Variants in ZC3H12B observed in about 807,000 individuals in gnomAD.
ZC3H12B encodes zinc finger CCCH-type containing 12B.
ZC3H12B carries 7 observed loss-of-function variants against 43.9 expected under a neutral mutation model. The observed-to-expected ratio is 0.16, with a 90% CI of 0.09 to 0.30. ZC3H12B has a LOEUF of 0.30. ZC3H12B is among the 10% of genes least tolerant of loss of function. ZC3H12B has a pLI of 1.00. For synonymous variants in ZC3H12B, 222 were observed against 241.7 expected (o/e 0.92, Z 0.76); for missense variants, 475 against 670.2 (o/e 0.71, Z 3.22).
chrX:65,158,978 C>G, the ZC3H12B span, among the ~76,000 whole-genome samples: 68 of 111,590 alleles, frequency 6.1e-4, no homozygotes, highest in South Asian at 0.013. Context: ...TCCAGTTTCA[C>G]CTTTCTACAT....
chrX:65,386,212 G>A (rs1275559867), intron 2 of ZC3H12B, among the ~76,000 whole-genome samples: 2 of 111,607 alleles, frequency 1.8e-5, no homozygotes, highest in Non-Finnish European at 3.8e-5. Flanking sequence ...AATAGTTTCA[G>A]AAGGAATGGT....
At chrX:65,486,140 G>A (rs748702030), upstream of ZC3H12B, among the ~76,000 whole-genome samples, 65 of 112,409 alleles carry the variant, frequency 5.8e-4, no homozygotes, top group African/African-American at 2.1e-3. Flanking sequence ...GTATGTCAAT[G>A]AAAATTTGCA....
the ZC3H12B span, among the ~76,000 whole-genome samples, chrX:65,123,445 A>G: frequency 1.8e-5 from 2 of 111,186 alleles, no homozygotes; most frequent in Admixed American, 1.9e-4. Context: ...TGGCCTCATA[A>G]AATGAGTTAA....
the ZC3H12B span, among the ~76,000 whole-genome samples, chrX:65,163,523 A>T: frequency 9.0e-6 from 1 of 110,980 alleles, no homozygotes; most frequent in Non-Finnish European, 1.9e-5. Context: ...TTGATCTCAT[A>T]CTGCTGTGCT....
the ZC3H12B span, among the ~76,000 whole-genome samples, chrX:65,178,851 G>T: frequency 8.9e-6 from 1 of 112,214 alleles, no homozygotes. Flanking sequence ...AAGAGAGTGT[G>T]CAATTCCTCA....
chrX:65,349,851 G>C, the ZC3H12B span, among the ~76,000 whole-genome samples: 1 of 111,642 alleles, frequency 9.0e-6, no homozygotes, highest in African/African-American at 3.3e-5. Flanking sequence ...TAAAATTGAG[G>C]CATTAATTCA....
the ZC3H12B span, among the ~76,000 whole-genome samples, chrX:65,334,284 A>C: frequency 1.8e-5 from 2 of 112,173 alleles, no homozygotes. Flanking sequence ...TTTAGCTAAT[A>C]TGTTCACATG....
At chrX:65,465,049 T>A (rs945572853) in intron 3 of ZC3H12B, among the ~76,000 whole-genome samples, 5 of 111,625 alleles carry the variant, frequency 4.5e-5, no homozygotes, top group African/African-American at 1.6e-4. Context: ...TATTACCATA[T>A]GTATTTGAGG....
At chrX:65,378,045 G>C (rs2066372636) in intron 2 of ZC3H12B, among the ~76,000 whole-genome samples, 1 of 110,694 alleles carries the variant, frequency 9.0e-6, no homozygotes, top group Admixed American at 9.6e-5. Flanking sequence ...CTTGCAGTGA[G>C]TGGAGATTGT....
chrX:65,336,801 T>C, the ZC3H12B span, among the ~76,000 whole-genome samples: 1 of 112,328 alleles, frequency 8.9e-6, no homozygotes, highest in Non-Finnish European at 1.9e-5. Flanking sequence ...ACCAGTTCCA[T>C]TAGCTCTCAA....
At chrX:65,256,968 G>C in the ZC3H12B span, among the ~76,000 whole-genome samples, 1 of 112,229 alleles carries the variant, frequency 8.9e-6, no homozygotes, top group African/African-American at 3.2e-5. Flanking sequence ...TGCTGGAGAG[G>C]ATGTGGAGAA....
At chrX:65,384,540 GAA>G (rs774829243) in intron 2 of ZC3H12B, among the ~76,000 whole-genome samples, 5 of 109,856 alleles carry the variant, frequency 4.6e-5, no homozygotes, top group Non-Finnish European at 9.5e-5. Flanking sequence ...TTTTAAAAAG[GAA>G]AAAAAAGTTG....
intron 2 of ZC3H12B, among the ~76,000 whole-genome samples, chrX:65,388,230 G>A (rs2081356266): frequency 8.9e-6 from 1 of 112,260 alleles, no homozygotes; most frequent in South Asian, 3.7e-4. Flanking sequence ...ATATCCTGCA[G>A]AGTGTTTTCC....
chrX:65,355,544 C>A, the ZC3H12B span, among the ~76,000 whole-genome samples: 1 of 111,441 alleles, frequency 9.0e-6, no homozygotes, highest in Admixed American at 9.6e-5. Context: ...CCCAACTAAA[C>A]AGATTAAGAT....
chrX:65,101,911 C>T, the ZC3H12B span, among the ~76,000 whole-genome samples: 5 of 112,302 alleles, frequency 4.5e-5, no homozygotes, highest in African/African-American at 1.6e-4. Flanking sequence ...GATTCCAAAA[C>T]CTGGCAGAGA....
the ZC3H12B span, among the ~76,000 whole-genome samples, chrX:65,277,537 TA>T: frequency 1.8e-5 from 2 of 110,925 alleles, no homozygotes; most frequent in African/African-American, 6.6e-5. Flanking sequence ...AACAATAAAA[TA>T]AAACTAGTTA....
the ZC3H12B span, among the ~76,000 whole-genome samples, chrX:65,035,055 C>A: frequency 3.6e-4 from 40 of 112,524 alleles, no homozygotes; most frequent in African/African-American, 1.1e-3. Context: ...CTCGTCCCTC[C>A]ACGTCGATGG....
chrX:65,374,272 A>C (rs1602337246), intron 2 of ZC3H12B, among the ~76,000 whole-genome samples: 1 of 69,849 alleles, frequency 1.4e-5, no homozygotes, highest in Non-Finnish European at 2.2e-5. Flanking sequence ...AATATATACT[A>C]TATATATATA....
intron 2 of ZC3H12B, among the ~76,000 whole-genome samples, chrX:65,373,892 G>GTTATATATATATATACAGTATATATATA (rs1279711058): frequency 9.0e-5 from 1 of 11,151 alleles, no homozygotes; most frequent in Non-Finnish European, 1.1e-4. Flanking sequence ...TTAAAGTATA[G>GTTATATATATATATACAGTATATATATA]TAATATATAT....
Sources: gnomAD v4.1 joint callset for allele counts (sites outside exome capture counted in the v4.1 genomes callset) on GRCh38, gnomAD v4.1.1 for gene constraint, MANE v1.5 for transcripts, NCBI Gene and HGNC (gene_info 2026-07-23, HGNC 2026-07-21) for gene names.